Variants in PFKFB3 observed in about 807,000 individuals in gnomAD.
The protein encoded by PFKFB3 is 6-phosphofructo-2-kinase/fructose-2,6-bisphosphatase 3.
A neutral mutation model predicts 68.0 loss-of-function variants in PFKFB3; 33 were observed. That is an observed-to-expected ratio of 0.49 (90% CI 0.37 to 0.65). The LOEUF is 0.65. Ranked by LOEUF, PFKFB3 falls within the 30% of genes least tolerant of loss-of-function variation. The pLI, the probability that PFKFB3 is intolerant of heterozygous loss-of-function variation, is 0.00. For missense variants in PFKFB3, 586 were observed against 712.2 expected (o/e 0.82, Z 2.02); for synonymous variants, 315 against 288.2 (o/e 1.09, Z -0.94).
the PFKFB3 span, among the ~76,000 whole-genome samples, chr10:6,271,404 A>G: frequency 3.9e-5 from 6 of 152,358 alleles, no homozygotes; most frequent in South Asian, 2.1e-4. Context: ...GTGGGAGCCA[A>G]GAGGCGGGAA....
At chr10:6,295,064 G>A in the PFKFB3 span, among the ~76,000 whole-genome samples, 2 of 151,578 alleles carry the variant, frequency 1.3e-5, no homozygotes, top group East Asian at 1.9e-4. Context: ...TTGATCTCTA[G>A]TGTGTTTATC....
chr10:6,231,578 C>T lies in PFKFB3; in HGVS notation c.1516-1317C>T, dbSNP rs1469060299. On this transcript the variant is annotated intron_variant, in intron 14 of 14. Coordinates refer to ENST00000379775, the MANE Select transcript of PFKFB3 (RefSeq NM_004566.4). ...GTTGCATCGCCATCACCTGTGGGTG[C>T]CGGAAGCTGTGGGCTGGTGGTGTTG... The T allele has an allele frequency of 2.7e-5, 27 of 985,238 alleles. No homozygotes were observed. In the Admixed American group the frequency reaches 1.7e-3, roughly 61 times the overall value. 61.0% of individuals were successfully genotyped at this position (985,238 alleles called of 1,614,324 possible).
chr10:6,156,129 A>ATGTGTGTATGTG (rs373582528), intron 1 of PFKFB3, among the ~76,000 whole-genome samples: 1,379 of 96,972 alleles, frequency 0.014, 18 homozygotes, highest in African/African-American at 0.036. Flanking sequence ...GTACATATAT[A>ATGTGTGTATGTG]TGTGTGTGTG....
chr10:6,190,990 G>A (rs1443248667), intron 1 of PFKFB3, among the ~76,000 whole-genome samples: 1 of 152,098 alleles, frequency 6.6e-6, no homozygotes, highest in Admixed American at 6.6e-5. Flanking sequence ...TATTGGCCAG[G>A]CTGGTCTTGA....
chr10:6,206,164 T>C (rs960105438), intron 1 of PFKFB3, among the ~76,000 whole-genome samples: 36 of 146,196 alleles, frequency 2.5e-4, no homozygotes, highest in African/African-American at 8.7e-4. Flanking sequence ...TCAACGAGCA[T>C]GCTGCCTTCA....
intron 7 of PFKFB3, among the ~76,000 whole-genome samples, chr10:6,219,935 A>T (rs1378808356): frequency 6.6e-6 from 1 of 152,160 alleles, no homozygotes; most frequent in Non-Finnish European, 1.5e-5. Context: ...TTTTAAAAAC[A>T]ATCCTTGATG....
chr10:6,309,933 A>C, the PFKFB3 span, among the ~76,000 whole-genome samples: 1 of 152,214 alleles, frequency 6.6e-6, no homozygotes, highest in Non-Finnish European at 1.5e-5. Context: ...CAGGAAATGA[A>C]TTACTTTATA....
In PFKFB3 at chr10:6,228,769, G is replaced by A. The variant is rs1419114367; in HGVS notation, c.1515+2404G>A. ...CCACACCCCAAAAGAGCTCCGAGTG[G>A]AGACCCTTGGGGATCCGTTTGTCCT... On this transcript the variant is annotated intron_variant, in intron 14 of 14. Coordinates refer to ENST00000379775, the MANE Select transcript of PFKFB3 (RefSeq NM_004566.4). The surrounding 1 kb of genome is among the most constrained non-coding windows in gnomAD (Gnocchi z 4.5). Among the ~76,000 whole-genome samples, 3 of 152,184 alleles carry A rather than the reference G, an allele frequency of 2.0e-5. No homozygotes were observed. Among genetic ancestry groups the A allele is most frequent in the Non-Finnish European group, 4.4e-5 (3 of 68,028 alleles).
chr10:6,200,424 A>T (rs1203666703), upstream of PFKFB3, among the ~76,000 whole-genome samples: 1 of 152,068 alleles, frequency 6.6e-6, no homozygotes, highest in Non-Finnish European at 1.5e-5. Context: ...ATGAGTTAGG[A>T]GGATGTCCAA....
chr10:6,257,712 A>C (rs1353052369), downstream of PFKFB3, among the ~76,000 whole-genome samples: 2 of 152,156 alleles, frequency 1.3e-5, no homozygotes, highest in African/African-American at 2.4e-5. Context: ...CCCTGCGATG[A>C]GGGTTTCTGT....
chr10:6,156,692 T>C (rs923220143), intron 1 of PFKFB3, among the ~76,000 whole-genome samples: 13 of 150,832 alleles, frequency 8.6e-5, no homozygotes, highest in Non-Finnish European at 1.6e-4. Context: ...TTCGCCATGT[T>C]GGCCAGGCTG....
At chr10:6,304,109 C>T in the PFKFB3 span, among the ~76,000 whole-genome samples, 1 of 152,166 alleles carries the variant, frequency 6.6e-6, no homozygotes, top group East Asian at 1.9e-4. Flanking sequence ...AGAGACGCAC[C>T]TTGTTTCTTA....
At chr10:6,219,730 A>C (rs775835514) in intron 7 of PFKFB3, 37 bp downstream of exon 7, 3 of 1,603,716 alleles carry the variant, frequency 1.9e-6, no homozygotes, top group East Asian at 2.2e-5. Flanking sequence ...CAAGACCCAC[A>C]TGAGGGTTCT....
At chr10:6,230,230 C>T (rs759849345) in intron 14 of PFKFB3, among the ~76,000 whole-genome samples, 1 of 152,160 alleles carries the variant, frequency 6.6e-6, no homozygotes, top group Non-Finnish European at 1.5e-5. Flanking sequence ...CTCTGGAGTC[C>T]CATTGTCCCG....
rs183118837 is a variant in PFKFB3, at chr10:6,250,436, T to G, written c.1516-3742T>G. ...TACAAAAAAAATTAGCCGGGCATGG[T>G]GGCGGGCGCCTGTAGTCCTAGCTAC... On this transcript the variant is annotated intron_variant, in intron 14 of 14. Transcript: ENST00000640683. Among the ~76,000 whole-genome samples the G allele has an allele frequency of 1.4e-3, 216 of 152,128 alleles. 1 individual carries two copies. The highest frequency in any genetic ancestry group is 0.014 in the Middle Eastern group (4 of 294).
the PFKFB3 span, among the ~76,000 whole-genome samples, chr10:6,319,925 G>A: frequency 3.9e-5 from 6 of 152,150 alleles, no homozygotes; most frequent in African/African-American, 9.7e-5. Flanking sequence ...CTGGCCAGGC[G>A]CAGTGGCACA....
At chr10:6,249,442 T>C (rs1247962155) in intron 14 of PFKFB3, among the ~76,000 whole-genome samples, 1 of 152,164 alleles carries the variant, frequency 6.6e-6, no homozygotes, top group Admixed American at 6.5e-5. Flanking sequence ...GGAACCAACA[T>C]AAGTGTTCAG....
In PFKFB3 at chr10:6,221,536, T is replaced by C. The variant is rs1844958566; in HGVS notation, c.978+9T>C. 3.7e-6 allele frequency: 6 copies of C among 1,612,862 alleles called. No homozygotes were observed. The highest frequency in any genetic ancestry group is 5.1e-6 in the Non-Finnish European group (6 of 1,179,736). ...TCAATGAGATCGACGCGGTGAGTCC[T>C]GGGAGGCGGGCAGGCAGCCTCACCC... On this transcript the variant is annotated intron_variant, in intron 9 of 14. Coordinates refer to ENST00000379775, the MANE Select transcript of PFKFB3 (RefSeq NM_004566.4).
intron 1 of PFKFB3, among the ~76,000 whole-genome samples, chr10:6,170,323 A>G (rs1481220996): frequency 1.3e-5 from 2 of 152,240 alleles, no homozygotes; most frequent in South Asian, 2.1e-4. Flanking sequence ...TTGCTTCAAC[A>G]TTAAAGAAAC....
Sources: gnomAD v4.1 joint callset for allele counts (sites outside exome capture counted in the v4.1 genomes callset) on GRCh38, gnomAD v4.1.1 for gene constraint, Gnocchi (gnomAD v3.1) non-coding constraint, MANE v1.5 for transcripts, NCBI Gene and HGNC (gene_info 2026-07-23, HGNC 2026-07-21) for gene names.